The following MAP1B variants were observed in gnomAD, a reference collection of about 807,000 sequenced individuals.
MAP1B encodes the protein microtubule-associated protein 1B.
MAP1B carries 12 observed loss-of-function variants against 176.1 expected under a neutral mutation model. The ratio of observed to expected loss-of-function variants is 0.07; its 90% CI spans 0.04 to 0.11. MAP1B has a LOEUF of 0.11. Ranked by LOEUF, MAP1B falls within the 10% of genes least tolerant of loss-of-function variation. MAP1B has a pLI of 1.00. For missense variants in MAP1B, 2,523 were observed against 2,990.5 expected (o/e 0.84, Z 3.65); for synonymous variants, 1,044 against 1,135.0 (o/e 0.92, Z 1.61).
At chr5:72,116,843 T>G (rs1195897762) in intron 2 of MAP1B, among the ~76,000 whole-genome samples, 3 of 152,208 alleles carry the variant, frequency 2.0e-5, no homozygotes, top group Admixed American at 2.0e-4. Flanking sequence ...TTCAGCCTAT[T>G]TTGACTGGTT....
intron 2 of MAP1B, among the ~76,000 whole-genome samples, chr5:72,159,090 T>C (rs1355771826): frequency 6.6e-6 from 1 of 152,164 alleles, no homozygotes; most frequent in Non-Finnish European, 1.5e-5. Context: ...AAGGTCATAG[T>C]TAGCAAGTTG....
At chr5:72,175,564 TC>T (rs1746636527) in intron 2 of MAP1B, among the ~76,000 whole-genome samples, 1 of 152,214 alleles carries the variant, frequency 6.6e-6, no homozygotes, top group African/African-American at 2.4e-5. Flanking sequence ...GCAAACTTCT[TC>T]CTTCCACTGT....
chr5:72,193,274 C>T (rs759515187), intron 4 of MAP1B: 4 of 427,762 alleles, frequency 9.4e-6, no homozygotes, highest in African/African-American at 2.1e-5. Flanking sequence ...TTTTTACATG[C>T]CAGATCCTGA....
intron 4 of MAP1B, among the ~76,000 whole-genome samples, chr5:72,193,104 C>T (rs1392138086): frequency 6.6e-6 from 1 of 152,154 alleles, no homozygotes; most frequent in Non-Finnish European, 1.5e-5. Flanking sequence ...AATGTCATGG[C>T]TTTAATAAAA....
At chr5:72,176,021 T>G (rs1746646773) in intron 2 of MAP1B, among the ~76,000 whole-genome samples, 1 of 152,246 alleles carries the variant, frequency 6.6e-6, no homozygotes, top group South Asian at 2.1e-4. Context: ...TCAGGAACAT[T>G]TTCAGAGATG....
Position 72,193,949 on chromosome 5 carries a change from C to A in MAP1B, c.594C>A (p.Asn198Lys). 1 of 1,614,170 alleles carries A rather than the reference C, an allele frequency of 6.2e-7. No individual in the cohort carries two copies. Among genetic ancestry groups the A allele is most frequent in the Non-Finnish European group, 8.5e-7 (1 of 1,180,012 alleles). ...GTCCTGAAGAAGGGGACTGGAAGAA[C>A]TCCAATCTTGACAGACACAATCTCC... ...LFCPEEGDWK[N>K]SNLDRHNLQD... The change falls in exon 5 of 7, where the codon AAC (asparagine) becomes AAA (lysine). Residue 198 changes from asparagine (N) to lysine (K), a missense_variant. Coordinates refer to ENST00000296755, the MANE Select transcript of MAP1B (RefSeq NM_005909.5).
At chr5:72,161,769 C>G (rs1746327587) in intron 2 of MAP1B, among the ~76,000 whole-genome samples, 1 of 151,862 alleles carries the variant, frequency 6.6e-6, no homozygotes, top group Non-Finnish European at 1.5e-5. Flanking sequence ...CCAGCCTGGC[C>G]AACATGATGA....
chr5:72,197,364 T>A lies in MAP1B; in HGVS notation c.4009T>A (p.Tyr1337Asn). ...TGGCAGTGCTGGTCACACACCTTAC[T>A]ATCAATCTCCTACTGACGAGAAATC... ...VTGSAGHTPY[Y>N]QSPTDEKSSH... Residue 1337 changes from tyrosine to asparagine, a missense_variant, in exon 5 of 7, where the codon TAT (tyrosine) becomes AAT (asparagine). Physicochemically the swap from Tyr to Asn is moderately radical, Grantham distance 143. Coordinates refer to ENST00000296755, the MANE Select transcript of MAP1B (RefSeq NM_005909.5). 6.2e-7 allele frequency: 1 copy of A among 1,614,212 alleles called. No individual in the cohort carries two copies. The highest frequency in any genetic ancestry group is 8.5e-7 in the Non-Finnish European group (1 of 1,180,028).
intron 2 of MAP1B, among the ~76,000 whole-genome samples, chr5:72,126,783 G>C (rs1300028720): frequency 6.6e-6 from 1 of 152,218 alleles, no homozygotes; most frequent in Non-Finnish European, 1.5e-5. Flanking sequence ...TTTTAGGAAA[G>C]ATGCACAGCT....
Position 72,194,160 on chromosome 5 carries a change from A to C in MAP1B, c.805A>C (p.Arg269=). 6.2e-7 allele frequency: 1 copy of C among 1,614,094 alleles called. No homozygotes were observed. Among genetic ancestry groups the C allele is most frequent in the Non-Finnish European group, 8.5e-7 (1 of 1,180,022 alleles). ...CTGCTGTTATATTTTTCCAGGAGGG[A>C]GGGGCGATTCTGCCTTGTTTGCAGT... ...KPCCYIFPGG[R]GDSALFAVNG... Residue 269 remains arginine (R), a synonymous_variant, in exon 5 of 7, where the codon AGG becomes CGG. Transcript: ENST00000296755. The surrounding 1 kb of genome is among the most constrained non-coding windows in gnomAD (Gnocchi z 7.2).
In MAP1B at chr5:72,167,108, A is replaced by G. The variant is rs187764238; in HGVS notation, c.287-16635A>G. On this transcript the variant is annotated intron_variant, in intron 2 of 6. Coordinates refer to ENST00000296755, the MANE Select transcript of MAP1B (RefSeq NM_005909.5). ...GAAATGCCAAAATGCAGACATTACA[A>G]AAGAGAGAGGAGGAACAAAGGGAAA... Among the ~76,000 whole-genome samples, 646 of 152,244 alleles carry G rather than the reference A, an allele frequency of 4.2e-3. 5 individuals are homozygous for G. Among genetic ancestry groups the G allele is most frequent in the Admixed American group, 7.0e-3 (107 of 15,290 alleles).
chr5:72,128,957 C>A (rs867996761), intron 2 of MAP1B, among the ~76,000 whole-genome samples: 2 of 152,102 alleles, frequency 1.3e-5, no homozygotes, highest in African/African-American at 4.8e-5. Flanking sequence ...TGGCTGAAAA[C>A]GTAATTTTTT....
chr5:72,172,687 C>T (rs1397502550), intron 2 of MAP1B, among the ~76,000 whole-genome samples: 1 of 152,176 alleles, frequency 6.6e-6, no homozygotes, highest in African/African-American at 2.4e-5. Context: ...TTAATGATTA[C>T]ATTTGCTCCC....
chr5:72,155,291 T>C (rs975639010), intron 2 of MAP1B, among the ~76,000 whole-genome samples: 1 of 152,182 alleles, frequency 6.6e-6, no homozygotes, highest in African/African-American at 2.4e-5. Context: ...GTCAAGGAGC[T>C]GGGATTTAAT....
intron 2 of MAP1B, among the ~76,000 whole-genome samples, chr5:72,126,657 A>G (rs1745637434): frequency 6.6e-6 from 1 of 152,182 alleles, no homozygotes; most frequent in Non-Finnish European, 1.5e-5. Context: ...TCGTATGTAG[A>G]TGGGAGCTTG....
chr5:72,150,696 G>C (rs757897357), intron 2 of MAP1B, among the ~76,000 whole-genome samples: 1 of 151,968 alleles, frequency 6.6e-6, no homozygotes, highest in Non-Finnish European at 1.5e-5. Context: ...TGTTCCCCTC[G>C]ATGTGTCCAT....
At position 72,199,489 on chromosome 5, in the gene MAP1B, C is replaced by T. The variant is rs748313906; in HGVS notation, c.6134C>T (p.Ala2045Val). The change falls in exon 5 of 7, where the codon GCA (alanine) becomes GTA (valine). Residue 2045 changes from alanine to valine, a missense_variant. Transcript: ENST00000296755. The surrounding 1 kb of genome is among the most constrained non-coding windows in gnomAD (Gnocchi z 4.2). ...ACTTCCACATACTGTTACGAGACTG[C>T]AGAGAAAATCACTAGAACCCCTCAG... The part of the protein sequence containing the change: ...PDTSTYCYET[A>V]EKITRTPQAS... The T allele has an allele frequency of 5.6e-6, 9 of 1,614,102 alleles. No individual in the cohort carries two copies. The South Asian group carries it at 8.8e-5, about 16-fold the overall frequency.
Position 72,207,678 on chromosome 5 carries a change from AAC to A in MAP1B, c.*2443_*2444del, listed in dbSNP as rs1448262237. 6.6e-6 allele frequency: 1 copy of A among 152,178 alleles called. No homozygotes were observed. The highest frequency in any genetic ancestry group is 2.4e-5 in the African/African-American group (1 of 41,446). The allele number at this position is 152,178 out of a possible 1,614,324, so 9.4% of individuals were successfully genotyped here. On this transcript the variant is annotated 3_prime_UTR_variant, in exon 7 of 7. Transcript: ENST00000296755. Reference sequence around the variant, plus strand: ...CTCATCTACTTCAAATTTATTTTATAACACAACCTAAGATACTCAAGATAATT... The same window carrying A: ...CTCATCTACTTCAAATTTATTTTATAACAACCTAAGATACTCAAGATAATT...
intron 2 of MAP1B, among the ~76,000 whole-genome samples, chr5:72,159,969 C>T (rs1489577194): frequency 6.6e-6 from 1 of 152,170 alleles, no homozygotes; most frequent in African/African-American, 2.4e-5. Flanking sequence ...TTCTCTATGC[C>T]TTGTCTTCCT....
Sources: gnomAD v4.1 joint callset for allele counts (sites outside exome capture counted in the v4.1 genomes callset) on GRCh38, gnomAD v4.1.1 for gene constraint, Gnocchi (gnomAD v3.1) non-coding constraint, MANE v1.5 for transcripts, NCBI Gene and HGNC (gene_info 2026-07-23, HGNC 2026-07-21) for gene names.